P2RX7: variants seen among roughly 807,000 people sequenced by gnomAD.
P2RX7 encodes P2X purinoceptor 7.
A neutral mutation model predicts 71.6 loss-of-function variants in P2RX7; 62 were observed. The observed-to-expected ratio is 0.87, with a 90% CI of 0.71 to 1.07. The LOEUF (loss-of-function observed/expected upper bound fraction) is 1.07. P2RX7 is among the 50% of genes least tolerant of loss of function. The probability of loss-of-function intolerance (pLI) is 0.00; values close to 1 mark genes in which losing one functional copy is unlikely to be tolerated. For missense variants in P2RX7, 686 were observed against 748.5 expected (o/e 0.92, Z 0.97); for synonymous variants, 299 against 283.3 (o/e 1.06, Z -0.56).
At position 121,177,294 on chromosome 12, in the gene P2RX7, C is replaced by T. The variant is rs1397153443; in HGVS notation, c.1039-3C>T. On this transcript the variant is annotated splice_polypyrimidine_tract_variant and splice_region_variant and intron_variant, in intron 10 of 12. Transcript: ENST00000328963. ...ACGCAGCGCTTGTCTGCATTCTCCC[C>T]AGGCCGCTGTGTTCATCGACTTCCT... 4.3e-6 allele frequency: 7 copies of T among 1,613,976 alleles called. No individual in the cohort carries two copies. In the African/African-American group the frequency reaches 6.7e-5, roughly 15 times the overall value.
rs1884668335 is a variant in P2RX7, at chr12:121,184,584, C to T, written c.1570C>T (p.Gln524Ter). The T allele has an allele frequency of 1.2e-6, 2 of 1,613,984 alleles. No individual in the cohort carries two copies. The highest frequency in any genetic ancestry group is 2.7e-5 in the African/African-American group (2 of 74,944). Residue 524 changes from glutamine to a stop codon, truncating the protein, a stop_gained, in exon 13 of 13, where the codon CAG becomes TAG. Transcript: ENST00000328963. LOFTEE classifies it high-confidence loss of function. ...RKLVLSRHVL[Q>*]FLLLYQEPLL... ...GCTGGTCCTGTCCAGACACGTCCTG[C>T]AGTTCCTCCTGCTCTACCAGGAGCC...
At chr12:121,175,146 C>CA (rs897538006) in intron 8 of P2RX7, among the ~76,000 whole-genome samples, 2 of 151,376 alleles carry the variant, frequency 1.3e-5, no homozygotes, top group Non-Finnish European at 2.9e-5. Flanking sequence ...CCCGTCTCTA[C>CA]AAAAAATACA....
chr12:121,143,468 T>C (rs2135998258), intron 1 of P2RX7, among the ~76,000 whole-genome samples: 1 of 151,394 alleles, frequency 6.6e-6, no homozygotes, highest in Admixed American at 6.6e-5. Flanking sequence ...GTGGGAGGAT[T>C]GCTTGATCCT....
chr12:121,177,484 G>A, intron 11 of P2RX7, 38 bp downstream of exon 11: 1 of 1,591,336 alleles, frequency 6.3e-7, no homozygotes. Flanking sequence ...AAGACATGGA[G>A]AGATTCCATG....
rs562398069 is a variant in P2RX7 at position 121,147,605 on chromosome 12, G to GTTGTTGT, written c.126-7175_126-7174insGTTTGTT. Reference sequence around the variant, plus strand: ...TGCAAAATGGGCAGTTTTTTTTGTTGTTGTTTGTTTGTTTGTTTGTTTGTC... The same window carrying GTTGTTGT: ...TGCAAAATGGGCAGTTTTTTTTGTTGTTGTTGTTTGTTTGTTTGTTTGTTTGTTTGTC... On this transcript the variant is annotated intron_variant, in intron 1 of 12. Coordinates refer to ENST00000328963, the MANE Select transcript of P2RX7 (RefSeq NM_002562.6). 2.3e-3 allele frequency among the ~76,000 whole-genome samples: 343 copies of GTTGTTGT among 151,622 alleles called. 2 individuals carry two copies. The highest frequency in any genetic ancestry group is 7.7e-3 in the African/African-American group (317 of 41,276).
Position 121,184,293 on chromosome 12 carries a change from T to C in P2RX7, c.1291-12T>C, listed in dbSNP as rs749581111. 4.4e-6 allele frequency: 7 copies of C among 1,576,316 alleles called. No individual in the cohort carries two copies. Among genetic ancestry groups the C allele is most frequent in the Non-Finnish European group, 6.0e-6 (7 of 1,161,148 alleles). ...TGTCATGGCTAATAGGTTTGGAAAC[T>C]TGCTTTTTCAGAGACCTGCGATGGA... is the stretch of plus-strand genomic sequence containing the variant. On this transcript the variant is annotated splice_polypyrimidine_tract_variant and intron_variant, in intron 12 of 12. Transcript: ENST00000328963.
intron 12 of P2RX7, among the ~76,000 whole-genome samples, chr12:121,180,668 A>C (rs2136161140): frequency 6.6e-6 from 1 of 152,082 alleles, no homozygotes; most frequent in East Asian, 1.9e-4. Context: ...TCCTTTTTTA[A>C]TTTTTAAAAT....
At chr12:121,178,104 A>T (rs946000390) in intron 11 of P2RX7, among the ~76,000 whole-genome samples, 1 of 152,210 alleles carries the variant, frequency 6.6e-6, no homozygotes, top group Non-Finnish European at 1.5e-5. Flanking sequence ...GGCAGTGACT[A>T]ATGTTTAAAT....
intron 1 of P2RX7, among the ~76,000 whole-genome samples, chr12:121,142,722 C>T (rs961607768): frequency 1.1e-4 from 17 of 152,112 alleles, no homozygotes; most frequent in Admixed American, 1.1e-3. Context: ...CTCCTTCTGC[C>T]TCTCTTATAA....
At chr12:121,155,318 C>G in intron 2 of P2RX7, 1 of 1,306,810 alleles carries the variant, frequency 7.7e-7, no homozygotes. Context: ...GAGCACCAGC[C>G]CTTCTAGATT....
chr12:121,133,935 G>C lies in P2RX7; in HGVS notation c.125+840G>C, dbSNP rs142448426. On this transcript the variant is annotated intron_variant, in intron 1 of 12. Transcript: ENST00000328963. ...GACGGGGTCTCACTATTTTGTCCAG[G>C]CTGGTCTCAAACTCCTGGACTCAAG... 1.3e-4 allele frequency among the ~76,000 whole-genome samples: 20 copies of C among 152,120 alleles called. No individual in the cohort carries two copies. In the East Asian group the frequency reaches 3.5e-3, roughly 26 times the overall value.
At chr12:121,178,791 C>CAAAAAAA (rs386377968) in intron 11 of P2RX7, among the ~76,000 whole-genome samples, 5 of 66,496 alleles carry the variant, frequency 7.5e-5, no homozygotes, top group African/African-American at 2.4e-4. Flanking sequence ...AACTCTGTCT[C>CAAAAAAA]AAAAAAAAAA....
At chr12:121,171,866 T>TTTC (rs1565968962) in intron 8 of P2RX7, among the ~76,000 whole-genome samples, 5 of 74,112 alleles carry the variant, frequency 6.7e-5, no homozygotes, top group South Asian at 4.4e-4. Flanking sequence ...TTCTTTCTTT[T>TTTC]TTTTTTTTTT....
At chr12:121,168,441 G>A (rs935458360) in intron 8 of P2RX7, among the ~76,000 whole-genome samples, 2 of 151,852 alleles carry the variant, frequency 1.3e-5, no homozygotes, top group African/African-American at 4.8e-5. Context: ...GCTAATTTTT[G>A]TATATTCAGT....
At chr12:121,135,008 T>C (rs1260937410) in intron 1 of P2RX7, among the ~76,000 whole-genome samples, 1 of 151,766 alleles carries the variant, frequency 6.6e-6, no homozygotes, top group Non-Finnish European at 1.5e-5. Flanking sequence ...ATGACTGACA[T>C]AGGATAAGAG....
chr12:121,154,302 A>AAGAG lies in P2RX7; in HGVS notation c.126-470_126-467dup, dbSNP rs562699805. On this transcript the variant is annotated intron_variant, in intron 1 of 12. Coordinates refer to ENST00000328963, the MANE Select transcript of P2RX7 (RefSeq NM_002562.6). The surrounding 1 kb of genome is among the most constrained non-coding windows in gnomAD (Gnocchi z 4.2). Reference sequence around the variant, plus strand: ...CAAAACTCTGTTTCAAAAAAAAAAAAAGAGAGAGAGAGAGAGTAGCTGCCA... The same window carrying AAGAG: ...CAAAACTCTGTTTCAAAAAAAAAAAAAGAGAGAGAGAGAGAGAGAGTAGCTGCCA... Among the ~76,000 whole-genome samples, 1 of 151,334 alleles carries AAGAG rather than the reference A, an allele frequency of 6.6e-6. No individual in the cohort carries two copies. Among genetic ancestry groups the AAGAG allele is most frequent in the African/African-American group, 2.4e-5 (1 of 41,196 alleles).
intron 1 of P2RX7, among the ~76,000 whole-genome samples, chr12:121,146,637 A>G (rs1357049589): frequency 3.3e-5 from 5 of 152,156 alleles, no homozygotes; most frequent in Non-Finnish European, 7.4e-5. Context: ...TTGCTGATAG[A>G]AGCATGAAAT....
intron 1 of P2RX7, among the ~76,000 whole-genome samples, chr12:121,146,483 G>A (rs1175878109): frequency 6.6e-6 from 1 of 151,508 alleles, no homozygotes; most frequent in Admixed American, 6.6e-5. Flanking sequence ...GTAGAGACGG[G>A]GTTTCACCAT....
chr12:121,167,570 G>A lies in P2RX7; in HGVS notation c.827G>A (p.Arg276His), dbSNP rs7958316. The A allele has an allele frequency of 0.019, 30,739 of 1,612,124 alleles. 371 individuals carry two copies. The highest frequency in any genetic ancestry group is 0.03 in the Middle Eastern group (183 of 6,054). ...CACTGCCGTCCCAAATACAGTTTCC[G>A]TCGCCTTGACGACAAGACCACCAAC... ...FHHCRPKYSF[R>H]RLDDKTTNVS... is the part of the protein sequence containing the mutation. Residue 276 changes from arginine (R) to histidine (H), a missense_variant, in exon 8 of 13, where the codon CGT becomes CAT. By Grantham distance (29) the Arg-to-His change is conservative. Coordinates refer to ENST00000328963, the MANE Select transcript of P2RX7 (RefSeq NM_002562.6).
Sources: allele counts gnomAD v4.1 joint callset (sites outside exome capture counted in the v4.1 genomes callset), GRCh38; gene constraint gnomAD v4.1.1; non-coding constraint Gnocchi (gnomAD v3.1); transcripts MANE v1.5; gene names NCBI Gene and HGNC (gene_info 2026-07-23, HGNC 2026-07-21).